The following BCAS4 variants were observed in gnomAD, a reference collection of about 807,000 sequenced individuals.
The protein encoded by BCAS4 is breast carcinoma amplified sequence 4.
Under a neutral mutation model 15.7 loss-of-function variants are expected in BCAS4, and 9 were observed. That is an observed-to-expected ratio of 0.57 (90% confidence interval 0.34 to 1.00). The LOEUF is 1.00. Among genes scored for constraint, BCAS4 ranks in the 50% least tolerant of loss-of-function variants. The probability of loss-of-function intolerance (pLI) is 0.02; values close to 1 mark genes in which losing one functional copy is unlikely to be tolerated. For missense variants in BCAS4, 225 were observed against 239.1 expected, an observed-to-expected ratio of 0.94 and a Z score of 0.39; for synonymous variants, 101 against 99.5, an observed-to-expected ratio of 1.02 and a Z score of -0.09.
At chr20:50,819,044 G>C (rs529943491) in intron 2 of BCAS4, among the ~76,000 whole-genome samples, 1 of 152,236 alleles carries the variant, frequency 6.6e-6, no homozygotes, top group East Asian at 1.9e-4. Flanking sequence ...TTAGCCGGGT[G>C]TGGTGGCAGG....
At chr20:50,796,485 A>ATTTT (rs1198586862) in intron 1 of BCAS4, among the ~76,000 whole-genome samples, 47 of 10,300 alleles carry the variant, frequency 4.6e-3, no homozygotes, top group Non-Finnish European at 6.4e-3. Flanking sequence ...ATATATATAT[A>ATTTT]TATTTTTTTT....
intron 1 of BCAS4, among the ~76,000 whole-genome samples, chr20:50,813,996 CA>C (rs779523863): frequency 2.6e-5 from 4 of 152,130 alleles, no homozygotes; most frequent in Admixed American, 6.5e-5. Context: ...GTTAAAAAGG[CA>C]CGTGGGCTGC....
At chr20:50,860,340 A>G (rs937133370) in intron 4 of BCAS4, among the ~76,000 whole-genome samples, 1 of 152,158 alleles carries the variant, frequency 6.6e-6, no homozygotes, top group Non-Finnish European at 1.5e-5. Flanking sequence ...ATTTACTTCT[A>G]TCAGCCAAGA....
At chr20:50,876,046 G>A (rs566299951) in intron 4 of BCAS4, 28 of 455,894 alleles carry the variant, frequency 6.1e-5, no homozygotes, top group South Asian at 4.3e-4. Flanking sequence ...CGCCTCCCGG[G>A]TTCAAGTGAT....
chr20:50,801,905 G>A (rs1277327277), intron 1 of BCAS4, among the ~76,000 whole-genome samples: 8 of 152,096 alleles, frequency 5.3e-5, no homozygotes, highest in South Asian at 2.1e-4. Context: ...ATGAGGGACC[G>A]GGAGGTGCCT....
At chr20:50,856,558 T>C (rs1029284756) in intron 4 of BCAS4, among the ~76,000 whole-genome samples, 2 of 152,172 alleles carry the variant, frequency 1.3e-5, no homozygotes, top group African/African-American at 4.8e-5. Flanking sequence ...CTGATCAGGA[T>C]TGGTGATCAC....
At chr20:50,833,887 G>A (rs2088374733) in intron 3 of BCAS4, among the ~76,000 whole-genome samples, 2 of 152,194 alleles carry the variant, frequency 1.3e-5, no homozygotes, top group African/African-American at 2.4e-5. Context: ...CACACACCAA[G>A]GGGTCCTGGC....
chr20:50,831,088 AG>A (rs2088337836), intron 3 of BCAS4, among the ~76,000 whole-genome samples: 1 of 152,080 alleles, frequency 6.6e-6, no homozygotes, highest in Admixed American at 6.6e-5. Flanking sequence ...AAATTGAGAG[AG>A]AGAACATTTC....
chr20:50,826,293 C>T (rs1199435482), intron 2 of BCAS4, among the ~76,000 whole-genome samples: 1 of 152,060 alleles, frequency 6.6e-6, no homozygotes, highest in Non-Finnish European at 1.5e-5. Flanking sequence ...CCAGGCAGAG[C>T]GTGGAGCTGG....
chr20:50,796,684 C>T (rs1175541992), intron 1 of BCAS4, among the ~76,000 whole-genome samples: 3 of 149,918 alleles, frequency 2.0e-5, no homozygotes, highest in African/African-American at 2.5e-5. Context: ...TCAGTAGAGA[C>T]GGGGTTTCAC....
intron 1 of BCAS4, among the ~76,000 whole-genome samples, chr20:50,803,654 G>C (rs1208098193): frequency 6.6e-6 from 1 of 151,858 alleles, no homozygotes; most frequent in African/African-American, 2.4e-5. Context: ...ACCAGCTTGG[G>C]CAATATAGCA....
At chr20:50,836,179 G>T (rs2088407237) in intron 3 of BCAS4, among the ~76,000 whole-genome samples, 1 of 152,202 alleles carries the variant, frequency 6.6e-6, no homozygotes, top group African/African-American at 2.4e-5. Context: ...GCCTCCCAAA[G>T]TGGTGGGATT....
chr20:50,827,583 T>C (rs1265659285), intron 2 of BCAS4, among the ~76,000 whole-genome samples: 1 of 152,244 alleles, frequency 6.6e-6, no homozygotes, highest in Non-Finnish European at 1.5e-5. Flanking sequence ...GCCATTTCAC[T>C]CTTGCAGGTT....
intron 3 of BCAS4, chr20:50,832,577 T>G (rs886486127): frequency 2.6e-5 from 4 of 152,170 alleles, no homozygotes; most frequent in African/African-American, 7.2e-5. Context: ...ATTTATTATC[T>G]TATAGTTCTG....
chr20:50,840,765 G>A (rs2088469280), intron 3 of BCAS4: 2 of 1,583,062 alleles, frequency 1.3e-6, no homozygotes, highest in East Asian at 4.5e-5. Context: ...CGGAGGAGAA[G>A]CGGAGCGAGG....
chr20:50,859,445 G>A (rs926478105), intron 4 of BCAS4, among the ~76,000 whole-genome samples: 1 of 152,190 alleles, frequency 6.6e-6, no homozygotes, highest in African/African-American at 2.4e-5. Flanking sequence ...AGCCCTGTAA[G>A]GAAGGGAAAG....
At chr20:50,842,718 A>G (rs898674927) in intron 4 of BCAS4, among the ~76,000 whole-genome samples, 74 of 151,924 alleles carry the variant, frequency 4.9e-4, no homozygotes, top group African/African-American at 1.8e-3. Context: ...GTGCCTGGCC[A>G]ATCACCCTCA....
chr20:50,816,441 A>T (rs2088138511), intron 1 of BCAS4, among the ~76,000 whole-genome samples: 1 of 152,198 alleles, frequency 6.6e-6, no homozygotes, highest in Non-Finnish European at 1.5e-5. Flanking sequence ...GGTTTTTTAA[A>T]TGTGTTCCAA....
intron 4 of BCAS4, among the ~76,000 whole-genome samples, chr20:50,857,104 GA>G (rs1978803805): frequency 1.3e-5 from 2 of 152,208 alleles, no homozygotes; most frequent in East Asian, 3.8e-4. Context: ...TGTTCAGAAT[GA>G]AATGAGCCTT....
Sources: gnomAD v4.1 joint callset for allele counts (sites outside exome capture counted in the v4.1 genomes callset) on GRCh38, gnomAD v4.1.1 for gene constraint, MANE v1.5 for transcripts, NCBI Gene and HGNC (gene_info 2026-07-23, HGNC 2026-07-21) for gene names.